SGSM2: variants seen among roughly 807,000 people sequenced by gnomAD.
SGSM2 encodes the protein small G protein signaling modulator 2, also known as RUN and TBC1 domain containing 1.
Under a neutral mutation model 126.6 loss-of-function variants are expected in SGSM2, and 89 were observed. The observed-to-expected ratio is 0.70, with a 90% CI of 0.59 to 0.84. The LOEUF (loss-of-function observed/expected upper bound fraction) is 0.84. Among genes scored for constraint, SGSM2 ranks in the 40% least tolerant of loss-of-function variants. The probability of loss-of-function intolerance (pLI) is 0.00; values close to 1 mark genes in which losing one functional copy is unlikely to be tolerated. For synonymous variants in SGSM2, 614 were observed against 574.3 expected (o/e 1.07, Z -0.99); for missense variants, 1,404 against 1,416.6 (o/e 0.99, Z 0.14).
In SGSM2 at chr17:2,375,711, G is replaced by A. The variant is rs1455989216; in HGVS notation, c.2320G>A (p.Val774Met). The A allele has an allele frequency of 6.8e-6, 11 of 1,611,900 alleles. No individual in the cohort carries two copies. Among genetic ancestry groups the A allele is most frequent in the African/African-American group, 2.7e-5 (2 of 75,018 alleles). The change falls in exon 18 of 24, where the codon GTG becomes ATG. Residue 774 changes from valine (V) to methionine (M), a missense_variant. By Grantham distance (21) the Val-to-Met change is conservative. Transcript: ENST00000268989. ...IQSSLDEGQSVGFEEEDGGGE... is the reference protein window; with the variant it reads ...IQSSLDEGQSMGFEEEDGGGE... ...GTCAAGCCTAGATGAGGGGCAGAGC[G>A]TGGGCTTCGAAGAGGAGGACGGCGG...
At chr17:2,373,842 C>T (rs963608979) in intron 17 of SGSM2, 7 of 291,062 alleles carry the variant, frequency 2.4e-5, no homozygotes, top group African/African-American at 1.3e-4. Flanking sequence ...GGGTTCTAGT[C>T]CCAGATCCAC....
At chr17:2,364,540 G>A in intron 8 of SGSM2, 56 bp from the exon 9 acceptor site, 1 of 1,584,860 alleles carries the variant, frequency 6.3e-7, no homozygotes. Flanking sequence ...AGACAAGGAA[G>A]GAAGGAAGGA....
In SGSM2 at chr17:2,345,349, C is replaced by T. The variant is rs545622247; in HGVS notation, c.133+1729C>T. 1.5e-4 allele frequency among the ~76,000 whole-genome samples: 23 copies of T among 152,008 alleles called. No individual in the cohort carries two copies. The East Asian group carries it at 4.3e-3, about 28-fold the overall frequency. On this transcript the variant is annotated intron_variant, in intron 2 of 23. Transcript: ENST00000268989. ...TGGTGGCGGGCGCCTGTAATCCCAGCACTTTGGGAGGTGGAGGTGGGCGGA... is the reference window on the plus strand; with the variant it reads ...TGGTGGCGGGCGCCTGTAATCCCAGTACTTTGGGAGGTGGAGGTGGGCGGA...
chr17:2,380,534 A>T lies in SGSM2; in HGVS notation c.*1014A>T. 1.7e-6 allele frequency: 1 copy of T among 584,666 alleles called. No individual in the cohort carries two copies. 36.2% of individuals were successfully genotyped at this position (584,666 alleles called of 1,614,324 possible). On this transcript the variant is annotated 3_prime_UTR_variant, in exon 24 of 24. Coordinates refer to ENST00000268989, the MANE Select transcript of SGSM2 (RefSeq NM_014853.3). ...AAGCAAGGCTAGCTCTGCCTTCCAC[A>T]TGCTTCTCAGGATGCCAAGAGGCCT... is the stretch of plus-strand genomic sequence containing the variant.
intron 17 of SGSM2, among the ~76,000 whole-genome samples, chr17:2,374,828 CT>C (rs1384665665): frequency 2.0e-5 from 3 of 152,178 alleles, no homozygotes; most frequent in African/African-American, 7.2e-5. Context: ...GTAGAAACTA[CT>C]TTTAGCATTG....
chr17:2,370,609 G>C (rs1311632559), intron 12 of SGSM2, among the ~76,000 whole-genome samples: 1 of 150,302 alleles, frequency 6.7e-6, no homozygotes, highest in East Asian at 2.0e-4. Flanking sequence ...CTGCTGTCAG[G>C]CTAGGCAGGG....
chr17:2,352,769 T>A (rs993607770), intron 2 of SGSM2, among the ~76,000 whole-genome samples: 1 of 31,724 alleles, frequency 3.2e-5, no homozygotes, highest in African/African-American at 2.1e-4. Flanking sequence ...TGCATTTTCT[T>A]TTTTTTTTTT....
At chr17:2,376,561 G>C (rs897897137) in intron 19 of SGSM2, 172 bp from the exon 20 acceptor site, 3 of 765,664 alleles carry the variant, frequency 3.9e-6, no homozygotes, top group Non-Finnish European at 6.5e-6. Context: ...CCTTGGGGGG[G>C]ACCCGTGGGT....
chr17:2,337,663 C>T lies in SGSM2; in HGVS notation c.-26C>T, dbSNP rs1366061173. ...GCGAGGGCGCGGGGGCTCTGAGGAC[C>T]GCTCGGCGCCGCCTCCTGCCACACC... is the stretch of plus-strand genomic sequence containing the variant. On this transcript the variant is annotated 5_prime_UTR_variant, in exon 1 of 24. Coordinates refer to ENST00000268989, the MANE Select transcript of SGSM2 (RefSeq NM_014853.3). This position sits in a 1 kb window ranked among gnomAD's most constrained non-coding sequence, Gnocchi z 5.1. The T allele has an allele frequency of 5.5e-6, 8 of 1,444,720 alleles. No individual in the cohort carries two copies. In the Admixed American group the frequency reaches 1.1e-4, roughly 20 times the overall value. 89.5% of individuals were successfully genotyped at this position (1,444,720 alleles called of 1,614,324 possible). A position where few individuals can be genotyped will look rare whatever the true frequency, so the allele number is the denominator to read the frequency against.
Position 2,362,173 on chromosome 17 carries a change from G to C in SGSM2, c.361G>C (p.Ala121Pro), listed in dbSNP as rs1567822033. 1 of 1,613,990 alleles carries C rather than the reference G, an allele frequency of 6.2e-7. No individual in the cohort carries two copies. Among genetic ancestry groups the C allele is most frequent in the Non-Finnish European group, 8.5e-7 (1 of 1,180,020 alleles). ...GGGCTCAGCCAGCGGGAAGGCCCCGGCCCTCAGCCCTCAGGCCTTGAAACA... is the reference window on the plus strand; with the variant it reads ...GGGCTCAGCCAGCGGGAAGGCCCCGCCCCTCAGCCCTCAGGCCTTGAAACA... Reference protein sequence around the residue: ...RQGSASGKAPALSPQALKHVW... With the variant: ...RQGSASGKAPPLSPQALKHVW... Residue 121 changes from alanine to proline, a missense_variant, in exon 4 of 24, where the codon GCC (alanine) becomes CCC (proline). Coordinates refer to ENST00000268989, the MANE Select transcript of SGSM2 (RefSeq NM_014853.3). This position sits in a 1 kb window ranked among gnomAD's most constrained non-coding sequence, Gnocchi z 4.9.
chr17:2,377,276 G>A (rs1346992389), intron 21 of SGSM2: 1 of 534,248 alleles, frequency 1.9e-6, no homozygotes, highest in African/African-American at 1.9e-5. Flanking sequence ...ACGAAGTCAG[G>A]AGTTTGAGAC....
At position 2,364,624 on chromosome 17, in the gene SGSM2, C is replaced by T. The variant is rs867832687; in HGVS notation, c.961C>T (p.Pro321Ser). Residue 321 changes from proline to serine, a missense_variant, in exon 9 of 24, where the codon CCC becomes TCC. By Grantham distance (74) the Pro-to-Ser change is moderately conservative. Coordinates refer to ENST00000268989, the MANE Select transcript of SGSM2 (RefSeq NM_014853.3). ...SVYWDYALVV[P>S]FSQVVCIHCH... ...TTACTGGGACTATGCCCTCGTGGTG[C>T]CCTTCAGCCAGGTCGTGTGCATCCA... The T allele has an allele frequency of 6.2e-7, 1 of 1,614,088 alleles. No individual in the cohort carries two copies. The highest frequency in any genetic ancestry group is 2.2e-5 in the East Asian group (1 of 44,896).
chr17:2,343,033 GA>G (rs2064446832), intron 1 of SGSM2, among the ~76,000 whole-genome samples: 1 of 152,164 alleles, frequency 6.6e-6, no homozygotes, highest in African/African-American at 2.4e-5. Flanking sequence ...ATCCAGGTGG[GA>G]ACCCCAAACA....
rs1195485419 is a variant in SGSM2, at chr17:2,377,021, G to A, written c.2755G>A (p.Gly919Arg). ...MKRMSQNFPN[G>R]GAMDTHFANM... ...GAGGATGAGCCAGAACTTCCCCAAC[G>A]GGGGTGCCATGGACACCCACTTTGC... Residue 919 changes from glycine to arginine, a missense_variant, in exon 21 of 24, where the codon GGG becomes AGG. By Grantham distance (125) the Gly-to-Arg change is moderately radical (BLOSUM62 -2). Coordinates refer to ENST00000268989, the MANE Select transcript of SGSM2 (RefSeq NM_014853.3). The A allele has an allele frequency of 6.2e-6, 10 of 1,613,668 alleles. No homozygotes were observed. Among genetic ancestry groups the A allele is most frequent in the Non-Finnish European group, 8.5e-6 (10 of 1,179,926 alleles).
At chr17:2,350,034 A>G (rs931900004) in intron 2 of SGSM2, among the ~76,000 whole-genome samples, 1 of 151,596 alleles carries the variant, frequency 6.6e-6, no homozygotes, top group Admixed American at 6.6e-5. Flanking sequence ...TGATCCGCCC[A>G]CCTCGGCCTC....
At chr17:2,354,240 G>A (rs1056566640) in intron 2 of SGSM2, among the ~76,000 whole-genome samples, 3 of 151,610 alleles carry the variant, frequency 2.0e-5, no homozygotes, top group Non-Finnish European at 2.9e-5. Context: ...AGTAGAGACG[G>A]GGTTTCACTA....
At position 2,372,064 on chromosome 17, in the gene SGSM2, G is replaced by A. The variant is rs549695424; in HGVS notation, c.1578-126G>A. On this transcript the variant is annotated intron_variant, in intron 13 of 23. Transcript: ENST00000268989. The surrounding 1 kb of genome is among the most constrained non-coding windows in gnomAD (Gnocchi z 6.0). ...CACCCACTGACGGCTGCTGGGCTGCGGCTCCTCCTCCTCGCACCCTCCCCA... is the reference window on the plus strand; with the variant it reads ...CACCCACTGACGGCTGCTGGGCTGCAGCTCCTCCTCCTCGCACCCTCCCCA... The A allele has an allele frequency of 8.1e-4, 897 of 1,108,568 alleles. 5 individuals carry two copies. The African/African-American group carries it at 0.011, about 14-fold the overall frequency. 68.7% of individuals were successfully genotyped at this position (1,108,568 alleles called of 1,614,324 possible). A position where few individuals can be genotyped will look rare whatever the true frequency, so the allele number is the denominator to read the frequency against.
intron 2 of SGSM2, among the ~76,000 whole-genome samples, chr17:2,354,210 A>G (rs2064993272): frequency 1.5e-5 from 1 of 66,928 alleles, no homozygotes; most frequent in Non-Finnish European, 3.5e-5. Flanking sequence ...CCTGACCTAG[A>G]GTTTTTTTGT....
At chr17:2,343,429 G>C (rs757601169) in intron 1 of SGSM2, 116 bp from the exon 2 acceptor site, 15 of 924,302 alleles carry the variant, frequency 1.6e-5, no homozygotes, top group Non-Finnish European at 2.5e-5. Flanking sequence ...TGTCATCTCT[G>C]CAAGTGTCTG....
Sources: gnomAD v4.1 joint callset for allele counts (sites outside exome capture counted in the v4.1 genomes callset) on GRCh38, gnomAD v4.1.1 for gene constraint, Gnocchi (gnomAD v3.1) non-coding constraint, MANE v1.5 for transcripts, NCBI Gene and HGNC (gene_info 2026-07-23, HGNC 2026-07-21) for gene names.